Variants in ATP13A5 observed in about 807,000 individuals in gnomAD.
ATP13A5 encodes ATPase 13A5, also known as probable cation-transporting ATPase 13A5.
Under a neutral mutation model 150.2 loss-of-function variants are expected in ATP13A5, and 149 were observed. The observed-to-expected ratio is 0.99, with a 90% CI of 0.87 to 1.14. ATP13A5 has a LOEUF of 1.14. Ranked by LOEUF, ATP13A5 falls within the 50% of genes most tolerant of loss-of-function variation. The pLI, the probability that ATP13A5 is intolerant of heterozygous loss-of-function variation, is 0.00. For synonymous variants in ATP13A5, 497 were observed against 522.2 expected (o/e 0.95, Z 0.66); for missense variants, 1,383 against 1,449.3 (o/e 0.95, Z 0.74).
intron 5 of ATP13A5, among the ~76,000 whole-genome samples, chr3:193,359,949 A>G (rs1712941344): frequency 1.3e-5 from 2 of 152,206 alleles, no homozygotes; most frequent in Admixed American, 1.3e-4. Context: ...GGGCTGAGTG[A>G]AAAATAAGGT....
intron 9 of ATP13A5, among the ~76,000 whole-genome samples, chr3:193,337,018 G>T (rs1711897356): frequency 6.6e-6 from 1 of 152,092 alleles, no homozygotes; most frequent in African/African-American, 2.4e-5. Flanking sequence ...TGTGTCTTTT[G>T]GCTGCATAAA....
Position 193,362,569 on chromosome 3 carries a change from A to G in ATP13A5, c.453T>C (p.Val151=). The G allele has an allele frequency of 6.2e-7, 1 of 1,614,124 alleles. No individual in the cohort carries two copies. Among genetic ancestry groups the G allele is most frequent in the Non-Finnish European group, 8.5e-7 (1 of 1,179,978 alleles). The change falls in exon 4 of 30, where the codon GTT becomes GTC. Residue 151 remains valine (V), a splice_region_variant and synonymous_variant. Transcript: ENST00000342358. ...GGGTGACAAAACATTGTACTTACCC[A>G]ACTTTCTGAAACCGCTTCTCCAGGT... ...WNDLEKRFQK[V]GLLEDSNSCS...
intron 26 of ATP13A5, among the ~76,000 whole-genome samples, chr3:193,289,120 T>G (rs1311702719): frequency 1.3e-5 from 2 of 152,166 alleles, no homozygotes; most frequent in South Asian, 4.1e-4. Context: ...TGGTGCTCTG[T>G]GGAGTGAGGG....
Position 193,338,043 on chromosome 3 carries a change from G to T in ATP13A5, c.944-2944C>A, listed in dbSNP as rs9863630. Reference sequence around the variant, plus strand: ...ATTTGGCTCTCTGTTTGTCTGTTATGGGTGTAGAAGAATGCTTGTGATTTG... The same window carrying T: ...ATTTGGCTCTCTGTTTGTCTGTTATTGGTGTAGAAGAATGCTTGTGATTTG... On this transcript the variant is annotated intron_variant, in intron 9 of 29. Transcript: ENST00000342358. Among the ~76,000 whole-genome samples, 1,156 of 152,122 alleles carry T rather than the reference G, an allele frequency of 7.6e-3. 13 individuals carry two copies. Among genetic ancestry groups the T allele is most frequent in the African/African-American group, 0.026 (1,085 of 41,524 alleles).
At chr3:193,297,433 C>T (rs756418549) in intron 25 of ATP13A5, among the ~76,000 whole-genome samples, 4 of 151,962 alleles carry the variant, frequency 2.6e-5, no homozygotes, top group South Asian at 2.1e-4. Context: ...TTTGCAGAGA[C>T]GGGAAAACAA....
At chr3:193,293,659 A>G (rs562272716) in intron 25 of ATP13A5, among the ~76,000 whole-genome samples, 2 of 152,186 alleles carry the variant, frequency 1.3e-5, no homozygotes, top group Admixed American at 1.3e-4. Flanking sequence ...TAGTTGGTTT[A>G]CTTTTTATTC....
Position 193,279,266 on chromosome 3 carries a change from G to A in ATP13A5, c.3315+100C>T, listed in dbSNP as rs146043231. 3.6e-5 allele frequency: 33 copies of A among 914,666 alleles called. No individual in the cohort carries two copies. In the East Asian group the frequency reaches 6.4e-4, roughly 18 times the overall value. The allele number at this position is 914,666 out of a possible 1,614,324, so 56.7% of individuals were successfully genotyped here. A position where few individuals can be genotyped will look rare whatever the true frequency, so the allele number is the denominator to read the frequency against. On this transcript the variant is annotated intron_variant, in intron 28 of 29. Coordinates refer to ENST00000342358, the MANE Select transcript of ATP13A5 (RefSeq NM_198505.4). The stretch of plus-strand genomic sequence containing the variant: ...TATAGAAATAGCCTCACAGTATTTG[G>A]TGGTCAAAGAGAATACAGTAATAAT...
intron 1 of ATP13A5, among the ~76,000 whole-genome samples, chr3:193,378,226 T>C (rs949519615): frequency 2.0e-5 from 3 of 152,172 alleles, no homozygotes; most frequent in Non-Finnish European, 4.4e-5. Flanking sequence ...TCTGCGCTTA[T>C]AAAAAGCATG....
chr3:193,323,667 C>T (rs1719365521), intron 14 of ATP13A5: 1 of 152,186 alleles, frequency 6.6e-6, no homozygotes, highest in Non-Finnish European at 1.5e-5. Flanking sequence ...CGATTCCTCT[C>T]CATTGAGATC....
At chr3:193,368,392 T>TGTGTGTGTGTGTGTG (rs141117491) in intron 1 of ATP13A5, among the ~76,000 whole-genome samples, 1 of 147,248 alleles carries the variant, frequency 6.8e-6, no homozygotes, top group Admixed American at 6.8e-5. Context: ...CTCTTCAGAC[T>TGTGTGTGTGTGTGTG]TGTGTGTGTG....
At position 193,338,863 on chromosome 3, in the gene ATP13A5, C is replaced by T. The variant is rs909000967; in HGVS notation, c.944-3764G>A. The stretch of plus-strand genomic sequence containing the variant: ...AATTCGGCAGTGAATCTGTCTGGTC[C>T]TGGACTTTTTTTGGTTGGTAGGCTA... On this transcript the variant is annotated intron_variant, in intron 9 of 29. Transcript: ENST00000342358. 2.6e-5 allele frequency among the ~76,000 whole-genome samples: 4 copies of T among 152,212 alleles called. No homozygotes were observed. The East Asian group carries it at 5.8e-4, about 22-fold the overall frequency.
At chr3:193,360,256 T>C (rs975505897) in intron 5 of ATP13A5, among the ~76,000 whole-genome samples, 3 of 152,194 alleles carry the variant, frequency 2.0e-5, no homozygotes, top group Admixed American at 1.3e-4. Flanking sequence ...TGTTTGGATA[T>C]GCTTTCGCTA....
Position 193,322,531 on chromosome 3 carries a change from G to C in ATP13A5, c.1718C>G (p.Ser573Ter). The change falls in exon 15 of 30, where the codon TCA becomes TGA. Residue 573 changes from serine to a stop codon, truncating the protein, a stop_gained. Transcript: ENST00000342358. LOFTEE classifies it high-confidence loss of function. Reference sequence around the variant, plus strand: ...TCCTGGTTTTATGATGTTTGAAACTGACGTCCCAAATTTGCAGGAGTCTAC... The same window carrying C: ...TCCTGGTTTTATGATGTTTGAAACTCACGTCCCAAATTTGCAGGAGTCTAC... ...CIVDSCKFGTSVSNIIKPGPK... is the reference protein window; with the variant it reads ...CIVDSCKFGT 1 of 1,613,908 alleles carries C rather than the reference G, an allele frequency of 6.2e-7. No individual in the cohort carries two copies. The highest frequency in any genetic ancestry group is 1.1e-5 in the South Asian group (1 of 91,024).
Position 193,275,214 on chromosome 3 carries a change from T to C in ATP13A5, c.3485A>G (p.Lys1162Arg), listed in dbSNP as rs1322012626. 1.2e-6 allele frequency: 2 copies of C among 1,614,230 alleles called. No individual in the cohort carries two copies. Among genetic ancestry groups the C allele is most frequent in the Admixed American group, 3.3e-5 (2 of 60,034 alleles). The change falls in exon 30 of 30, where the codon AAG becomes AGG. Residue 1162 changes from lysine to arginine, a missense_variant. Physicochemically the swap from Lys to Arg is conservative, Grantham distance 26. Transcript: ENST00000342358. ...CCAGGTTGAGTCTTCTGCTAGCTTCTTTTGCCAAGTCCTATATTGACTTTT... is the reference window on the plus strand; with the variant it reads ...CCAGGTTGAGTCTTCTGCTAGCTTCCTTTGCCAAGTCCTATATTGACTTTT... ...YSKSQYRTWQ[K>R]KLAEDSTWPP...
In ATP13A5 at chr3:193,299,216, C is replaced by T. The variant is rs1055023660; in HGVS notation, c.2776-13G>A. 1.3e-6 allele frequency: 2 copies of T among 1,599,466 alleles called. No individual in the cohort carries two copies. The highest frequency in any genetic ancestry group is 1.3e-5 in the African/African-American group (1 of 74,380). ...AGAGTTGTAGTTGCTGAAAAAGAAA[C>T]AAAAGCAAATATAAATGTGGCATCT... On this transcript the variant is annotated splice_polypyrimidine_tract_variant and intron_variant, in intron 24 of 29. Coordinates refer to ENST00000342358, the MANE Select transcript of ATP13A5 (RefSeq NM_198505.4).
intron 9 of ATP13A5, 29 bp downstream of exon 9, chr3:193,343,898 G>C: frequency 1.2e-6 from 2 of 1,605,732 alleles, no homozygotes; most frequent in African/African-American, 1.3e-5. Context: ...GTCAGACAGG[G>C]AAGAGGAAGC....
At chr3:193,302,430 G>A (rs565072349) in intron 23 of ATP13A5, among the ~76,000 whole-genome samples, 6 of 152,206 alleles carry the variant, frequency 3.9e-5, no homozygotes, top group South Asian at 2.1e-4. Flanking sequence ...TAAACATTGC[G>A]ATTTCATTGT....
intron 5 of ATP13A5, among the ~76,000 whole-genome samples, chr3:193,362,145 C>T (rs908814185): frequency 2.6e-5 from 4 of 152,162 alleles, no homozygotes; most frequent in Non-Finnish European, 5.9e-5. Flanking sequence ...AAGATGATTG[C>T]TCTACAAGCC....
intron 7 of ATP13A5, among the ~76,000 whole-genome samples, chr3:193,347,583 A>C (rs1712396696): frequency 1.3e-5 from 2 of 148,776 alleles, no homozygotes; most frequent in Admixed American, 1.3e-4. Context: ...GCATAAGAGG[A>C]TGATAATCAA....
Sources: gnomAD v4.1 joint callset for allele counts (sites outside exome capture counted in the v4.1 genomes callset) on GRCh38, gnomAD v4.1.1 for gene constraint, MANE v1.5 for transcripts, NCBI Gene and HGNC (gene_info 2026-07-23, HGNC 2026-07-21) for gene names.